CCSER1: variants seen among roughly 807,000 people sequenced by gnomAD.
The protein encoded by CCSER1 is coiled-coil serine rich protein 1, also known as serine-rich coiled-coil domain-containing protein 1.
In CCSER1, 41 loss-of-function variants were observed where a neutral mutation model predicts 82.0. That is an observed-to-expected ratio of 0.50 (90% CI 0.39 to 0.65). CCSER1 has a LOEUF of 0.65. Among genes scored for constraint, CCSER1 ranks in the 30% least tolerant of loss-of-function variants. The pLI is 0.00. For missense variants in CCSER1, 1,119 were observed against 1,064.2 expected, an observed-to-expected ratio of 1.05 and a Z score of -0.72; for synonymous variants, 414 against 383.9, an observed-to-expected ratio of 1.08 and a Z score of -0.92.
intron 9 of CCSER1, among the ~76,000 whole-genome samples, chr4:90,934,452 CT>C (rs11343458): frequency 0.058 from 7,189 of 123,398 alleles, 481 homozygotes; most frequent in African/African-American, 0.21. Flanking sequence ...AGAATATTTT[CT>C]TCTTTTGCCC....
At chr4:90,997,759 G>T (rs1226199174) in intron 9 of CCSER1, among the ~76,000 whole-genome samples, 1 of 152,152 alleles carries the variant, frequency 6.6e-6, no homozygotes, top group African/African-American at 2.4e-5. Context: ...GAGAAGTAAA[G>T]ATTTCCTCTT....
intron 3 of CCSER1, among the ~76,000 whole-genome samples, chr4:90,378,603 G>A (rs979691808): frequency 2.0e-5 from 3 of 152,084 alleles, no homozygotes; most frequent in African/African-American, 7.2e-5. Flanking sequence ...CCAGCATTGA[G>A]GACATAAGCT....
chr4:90,310,823 C>G (rs1735160311), intron 2 of CCSER1, among the ~76,000 whole-genome samples: 2 of 151,968 alleles, frequency 1.3e-5, no homozygotes, highest in African/African-American at 2.4e-5. Flanking sequence ...TAAAGTTTAT[C>G]CATAAACATA....
chr4:90,185,522 G>C (rs996105895), intron 1 of CCSER1, among the ~76,000 whole-genome samples: 1 of 152,044 alleles, frequency 6.6e-6, no homozygotes, highest in Non-Finnish European at 1.5e-5. Flanking sequence ...ATTAGGGAAA[G>C]CATCTCATTT....
chr4:90,211,949 G>C (rs574263226), intron 1 of CCSER1, among the ~76,000 whole-genome samples: 1 of 152,096 alleles, frequency 6.6e-6, no homozygotes, highest in Non-Finnish European at 1.5e-5. Context: ...CAGGACAAAC[G>C]ATCTTAGCAG....
At chr4:90,150,353 G>C (rs1389537389) in intron 1 of CCSER1, among the ~76,000 whole-genome samples, 5 of 151,992 alleles carry the variant, frequency 3.3e-5, no homozygotes, top group Admixed American at 3.3e-4. Flanking sequence ...AGTAACATCA[G>C]TCACTGTTGC....
chr4:90,860,606 G>C (rs1580813661), intron 8 of CCSER1, among the ~76,000 whole-genome samples: 1 of 151,568 alleles, frequency 6.6e-6, no homozygotes, highest in African/African-American at 2.4e-5. Context: ...ATTCATAATA[G>C]CTCAATGTGG....
At chr4:90,275,266 A>C (rs998726899) in intron 1 of CCSER1, among the ~76,000 whole-genome samples, 2 of 152,114 alleles carry the variant, frequency 1.3e-5, no homozygotes, top group Non-Finnish European at 2.9e-5. Flanking sequence ...GAGTTTTCAA[A>C]CATGCAGTCA....
chr4:91,107,850 C>A (rs955934848), intron 10 of CCSER1, among the ~76,000 whole-genome samples: 1 of 152,012 alleles, frequency 6.6e-6, no homozygotes, highest in Non-Finnish European at 1.5e-5. Flanking sequence ...CAGTGCTGGG[C>A]TACCATTTCC....
chr4:90,985,243 T>A (rs952717898), intron 9 of CCSER1, among the ~76,000 whole-genome samples: 1 of 151,714 alleles, frequency 6.6e-6, no homozygotes, highest in Non-Finnish European at 1.5e-5. Flanking sequence ...TCTTATTTTG[T>A]GTTGTTTCTT....
intron 7 of CCSER1, among the ~76,000 whole-genome samples, chr4:90,745,956 T>C (rs2149460917): frequency 6.6e-6 from 1 of 152,158 alleles, no homozygotes; most frequent in East Asian, 1.9e-4. Flanking sequence ...CGCCTCGGCC[T>C]CCCAAAGTGC....
At chr4:91,167,979 T>A (rs1463990515) in intron 10 of CCSER1, among the ~76,000 whole-genome samples, 1 of 148,784 alleles carries the variant, frequency 6.7e-6, no homozygotes, top group Non-Finnish European at 1.5e-5. Context: ...GGAGCGCCTC[T>A]GCCCGGCTGC....
chr4:91,196,914 T>C (rs1282587471), intron 10 of CCSER1, among the ~76,000 whole-genome samples: 1 of 152,256 alleles, frequency 6.6e-6, no homozygotes, highest in Non-Finnish European at 1.5e-5. Context: ...AAGTTAGTTA[T>C]CTGAGAAGAC....
chr4:90,816,161 A>G (rs771986004), intron 8 of CCSER1, among the ~76,000 whole-genome samples: 1 of 152,204 alleles, frequency 6.6e-6, no homozygotes, highest in Non-Finnish European at 1.5e-5. Context: ...AAAGTGCATG[A>G]TTTAACTCCA....
At chr4:91,095,616 T>C (rs961766002) in intron 10 of CCSER1, among the ~76,000 whole-genome samples, 3 of 152,222 alleles carry the variant, frequency 2.0e-5, no homozygotes, top group Non-Finnish European at 2.9e-5. Context: ...GTTAATCATA[T>C]GCTGATTTTC....
At chr4:91,254,608 A>C (rs1017618646) in intron 10 of CCSER1, among the ~76,000 whole-genome samples, 1 of 152,060 alleles carries the variant, frequency 6.6e-6, no homozygotes, top group Admixed American at 6.6e-5. Flanking sequence ...TTCATTATGG[A>C]GTTGGATGGG....
At chr4:91,074,310 C>T (rs1347648685) in intron 9 of CCSER1, among the ~76,000 whole-genome samples, 1 of 152,058 alleles carries the variant, frequency 6.6e-6, no homozygotes, top group Non-Finnish European at 1.5e-5. Flanking sequence ...GAACATGCAA[C>T]AAATATTAGT....
intron 9 of CCSER1, among the ~76,000 whole-genome samples, chr4:91,007,037 T>C (rs1738579626): frequency 6.6e-6 from 1 of 152,250 alleles, no homozygotes; most frequent in Non-Finnish European, 1.5e-5. Context: ...AATAATTGTA[T>C]GTTTTTTGTC....
intron 10 of CCSER1, among the ~76,000 whole-genome samples, chr4:91,479,874 C>T (rs1375939059): frequency 7.1e-6 from 1 of 141,448 alleles, no homozygotes; most frequent in East Asian, 2.1e-4. Flanking sequence ...GTATATCTCC[C>T]AATGCTATCC....
Sources: allele counts gnomAD v4.1 joint callset (sites outside exome capture counted in the v4.1 genomes callset), GRCh38; gene constraint gnomAD v4.1.1; transcripts MANE v1.5; gene names NCBI Gene and HGNC (gene_info 2026-07-23, HGNC 2026-07-21).